The following CCDC27 variants were observed in gnomAD, a reference collection of about 807,000 sequenced individuals.
The protein encoded by CCDC27 is coiled-coil domain-containing protein 27.
A neutral mutation model predicts 80.3 loss-of-function variants in CCDC27; 80 were observed. The observed-to-expected ratio is 1.00, with a 90% CI of 0.83 to 1.20. CCDC27 has a LOEUF of 1.20. Among genes scored for constraint, CCDC27 ranks in the 50% most tolerant of loss-of-function variants. CCDC27 has a pLI of 0.00. For synonymous variants in CCDC27, 342 were observed against 334.3 expected (o/e 1.02, Z -0.25); for missense variants, 815 against 809.4 (o/e 1.01, Z -0.08).
chr1:3,765,542 A>C (rs982648619), intron 8 of CCDC27, among the ~76,000 whole-genome samples: 3 of 152,040 alleles, frequency 2.0e-5, no homozygotes, highest in Admixed American at 6.6e-5. Flanking sequence ...CTTTATCAAC[A>C]GCTCTTTTCA....
chr1:3,753,320 C>CTTTTTTTT (rs71580220), intron 1 of CCDC27, among the ~76,000 whole-genome samples: 1 of 94,998 alleles, frequency 1.1e-5, no homozygotes, highest in Non-Finnish European at 2.0e-5. Flanking sequence ...TTTTCTTTTT[C>CTTTTTTTT]TTTTTTTTTT....
chr1:3,764,347 C>G (rs553281347), intron 8 of CCDC27, among the ~76,000 whole-genome samples: 25 of 152,192 alleles, frequency 1.6e-4, no homozygotes, highest in Non-Finnish European at 3.2e-4. Flanking sequence ...TCGCCCTCTC[C>G]TAAGGCATCA....
At chr1:3,759,954 A>G (rs1248258554) in intron 4 of CCDC27, among the ~76,000 whole-genome samples, 1 of 152,226 alleles carries the variant, frequency 6.6e-6, no homozygotes, top group Non-Finnish European at 1.5e-5. Flanking sequence ...GGCTGCCTCC[A>G]GGAGCTCCAA....
Position 3,771,593 on chromosome 1 carries a change from C to G in CCDC27, c.*70C>G, listed in dbSNP as rs1643366404. Reference sequence around the variant, plus strand: ...GCCCAGCTCCAGAACCACCCGCCCCCACCATGCGTCCTGCTCTCAGACTCA... The same window carrying G: ...GCCCAGCTCCAGAACCACCCGCCCCGACCATGCGTCCTGCTCTCAGACTCA... On this transcript the variant is annotated 3_prime_UTR_variant, in exon 12 of 12. Transcript: ENST00000294600. The G allele has an allele frequency of 6.5e-7, 1 of 1,533,382 alleles. No individual in the cohort carries two copies. Among genetic ancestry groups the G allele is most frequent in the African/African-American group, 1.4e-5 (1 of 72,722 alleles). 95.0% of individuals were successfully genotyped at this position (1,533,382 alleles called of 1,614,324 possible). A position where few individuals can be genotyped will look rare whatever the true frequency, so the allele number is the denominator to read the frequency against.
At position 3,766,534 on chromosome 1, in the gene CCDC27, G is replaced by A. The variant is rs1451207347; in HGVS notation, c.1453-1G>A. ...AAGCCAACCCTTCTGTCTCCTTCCA[G>A]TTCTCCAACCTCCGAGAAGATAAGA... On this transcript the variant is annotated splice_acceptor_variant, in intron 8 of 11. Coordinates refer to ENST00000294600, the MANE Select transcript of CCDC27 (RefSeq NM_152492.3). LOFTEE classifies it high-confidence loss of function. This position sits in a 1 kb window ranked among gnomAD's most constrained non-coding sequence, Gnocchi z 6.1. 1 of 1,612,908 alleles carries A rather than the reference G, an allele frequency of 6.2e-7. No homozygotes were observed. The highest frequency in any genetic ancestry group is 2.2e-5 in the East Asian group (1 of 44,866).
At chr1:3,758,878 T>C (rs1283975597) in intron 4 of CCDC27, among the ~76,000 whole-genome samples, 1 of 152,110 alleles carries the variant, frequency 6.6e-6, no homozygotes, top group Non-Finnish European at 1.5e-5. Context: ...ATAGCAGGTG[T>C]GAACCACTGT....
rs546386491 is a variant in CCDC27, at chr1:3,768,610, C to T, written c.1743+1165C>T. Among the ~76,000 whole-genome samples the T allele has an allele frequency of 1.6e-4, 24 of 152,266 alleles. No homozygotes were observed. The highest frequency in any genetic ancestry group is 4.8e-4 in the African/African-American group (20 of 41,542). ...GATCCAGCCGTAGTCCTGGTGAAAG[C>T]GTTAGACCAGAGGCGGTCTAGGTGT... is the stretch of plus-strand genomic sequence containing the variant. On this transcript the variant is annotated intron_variant, in intron 10 of 11. Coordinates refer to ENST00000294600, the MANE Select transcript of CCDC27 (RefSeq NM_152492.3). This position sits in a 1 kb window ranked among gnomAD's most constrained non-coding sequence, Gnocchi z 5.6.
chr1:3,755,222 G>C (rs918350221), intron 2 of CCDC27, among the ~76,000 whole-genome samples: 4 of 152,192 alleles, frequency 2.6e-5, no homozygotes, highest in Non-Finnish European at 4.4e-5. Context: ...CGGGGGAAAG[G>C]GGGCATCAGC....
chr1:3,764,507 A>AAG (rs780342825), intron 8 of CCDC27, among the ~76,000 whole-genome samples: 1 of 151,996 alleles, frequency 6.6e-6, no homozygotes, highest in Non-Finnish European at 1.5e-5. Flanking sequence ...CAACACACAC[A>AAG]AGGGCAGCCT....
In CCDC27 at chr1:3,767,434, T is replaced by C. The variant is rs766501549; in HGVS notation, c.1732T>C (p.Ser578Pro). The stretch of plus-strand genomic sequence containing the variant: ...GCACACCCGCGTGGCCCTGGAGAGC[T>C]CCCAGTCCAGGGTATGCCCAGCCCT... The part of the protein sequence containing the change: ...EQHTRVALES[S>P]QSRLERLRNK... The change falls in exon 10 of 12, where the codon TCC becomes CCC. Residue 578 changes from serine (S) to proline (P), a missense_variant. Transcript: ENST00000294600. 6.2e-7 allele frequency: 1 copy of C among 1,611,976 alleles called. No homozygotes were observed.
At position 3,761,291 on chromosome 1, in the gene CCDC27, T is replaced by C; in HGVS notation, c.722T>C (p.Leu241Pro). The C allele has an allele frequency of 3.7e-6, 6 of 1,613,986 alleles. No homozygotes were observed. The highest frequency in any genetic ancestry group is 5.1e-6 in the Non-Finnish European group (6 of 1,179,924). ...LSVIHEKDHC[L>P]SELEIQVQKK... ...TGGTTTTCTGCCCAGGATCACTGCCTGTCTGAGCTGGAGATACAGGTTCAG... is the reference window on the plus strand; with the variant it reads ...TGGTTTTCTGCCCAGGATCACTGCCCGTCTGAGCTGGAGATACAGGTTCAG... Residue 241 changes from leucine to proline, a missense_variant, in exon 5 of 12, where the codon CTG (leucine) becomes CCG (proline). Leu to Pro is a moderately conservative substitution (Grantham distance 98). Coordinates refer to ENST00000294600, the MANE Select transcript of CCDC27 (RefSeq NM_152492.3). This position sits in a 1 kb window ranked among gnomAD's most constrained non-coding sequence, Gnocchi z 5.0.
At chr1:3,756,458 G>T in intron 3 of CCDC27, 1 of 310,654 alleles carries the variant, frequency 3.2e-6, no homozygotes, top group Admixed American at 4.7e-5. Context: ...GCTCCGGCTC[G>T]TTTGTCCTGG....
chr1:3,755,997 C>A (rs1026823404), intron 3 of CCDC27: 1 of 170,084 alleles, frequency 5.9e-6, no homozygotes, highest in Non-Finnish European at 1.3e-5. Flanking sequence ...TGACCAGCTC[C>A]CCTCAACCTC....
At position 3,763,284 on chromosome 1, in the gene CCDC27, AG is replaced by A. The variant is rs768794611; in HGVS notation, c.1135del (p.Asp379ThrfsTer64). 5 of 1,596,456 alleles carry A rather than the reference AG, an allele frequency of 3.1e-6. No homozygotes were observed. In the South Asian group the frequency reaches 5.6e-5, roughly 18 times the overall value. Reference protein sequence around the residue: ...EGSEEEEEEEGDRDEDSEERE... With the variant: ...EGSEEEEEEEXDRDEDSEERE... Reference sequence around the variant, plus strand: ...GAAGCGAGGAGGAGGAAGAGGAGGAAGGGGACAGGGATGAGGACTCAGAGGA... The same window carrying A: ...GAAGCGAGGAGGAGGAAGAGGAGGAAGGGACAGGGATGAGGACTCAGAGGA... On this transcript the variant is annotated frameshift_variant, in exon 7 of 12. Coordinates refer to ENST00000294600, the MANE Select transcript of CCDC27 (RefSeq NM_152492.3). LOFTEE classifies it high-confidence loss of function. The surrounding 1 kb of genome is among the most constrained non-coding windows in gnomAD (Gnocchi z 7.5).
intron 8 of CCDC27, among the ~76,000 whole-genome samples, chr1:3,765,294 G>T (rs996803409): frequency 1.3e-5 from 2 of 152,146 alleles, no homozygotes; most frequent in African/African-American, 4.8e-5. Context: ...TGTCCCAGGT[G>T]ATCTGAAACC....
rs1175103705 is a variant in CCDC27, at chr1:3,763,270, G to A, written c.1117G>A (p.Glu373Lys). ...CGTGCATGAGGAGGGAAGCGAGGAG[G>A]AGGAAGAGGAGGAAGGGGACAGGGA... is the stretch of plus-strand genomic sequence containing the variant. ...GSVHEEGSEE[E>K]EEEEGDRDED... The change falls in exon 7 of 12, where the codon GAG (glutamate) becomes AAG (lysine). Residue 373 changes from glutamate (E) to lysine (K), a missense_variant. Glu to Lys is a moderately conservative substitution (Grantham distance 56). Coordinates refer to ENST00000294600, the MANE Select transcript of CCDC27 (RefSeq NM_152492.3). The surrounding 1 kb of genome is among the most constrained non-coding windows in gnomAD (Gnocchi z 7.5). 18 of 1,586,428 alleles carry A rather than the reference G, an allele frequency of 1.1e-5. No individual in the cohort carries two copies. The highest frequency in any genetic ancestry group is 1.5e-5 in the Non-Finnish European group (17 of 1,165,590).
intron 4 of CCDC27, among the ~76,000 whole-genome samples, chr1:3,757,799 G>C (rs901177951): frequency 6.6e-6 from 1 of 151,884 alleles, no homozygotes; most frequent in Admixed American, 6.6e-5. Context: ...GTGGGTGCCT[G>C]TAGTCCCAGC....
intron 3 of CCDC27, 128 bp downstream of exon 3, chr1:3,755,695 C>G (rs113499114): frequency 2.1e-5 from 16 of 762,358 alleles, no homozygotes; most frequent in Non-Finnish European, 3.6e-5. Flanking sequence ...TGAGGACTCA[C>G]ACAGAAAGGC....
chr1:3,752,537 G>T lies in CCDC27; in HGVS notation c.56G>T (p.Arg19Leu). 1 of 1,614,114 alleles carries T rather than the reference G, an allele frequency of 6.2e-7. No homozygotes were observed. The highest frequency in any genetic ancestry group is 1.3e-5 in the African/African-American group (1 of 75,044). ...CAAGCCAGGCTGAAGAGAGATCCAC[G>T]GGAAAAGCCGGGCCTGTCCTCATTC... ...TPQARLKRDP[R>L]EKPGLSSFRS... Residue 19 changes from arginine to leucine, a missense_variant, in exon 1 of 12, where the codon CGG becomes CTG. Transcript: ENST00000294600.
Sources: allele counts gnomAD v4.1 joint callset (sites outside exome capture counted in the v4.1 genomes callset), GRCh38; gene constraint gnomAD v4.1.1; non-coding constraint Gnocchi (gnomAD v3.1); transcripts MANE v1.5; gene names NCBI Gene and HGNC (gene_info 2026-07-23, HGNC 2026-07-21).